TMEM181: variants seen among roughly 807,000 people sequenced by gnomAD.
The protein encoded by TMEM181 is G protein-coupled receptor 178.
Under a neutral mutation model 71.9 loss-of-function variants are expected in TMEM181, and 39 were observed. The ratio of observed to expected loss-of-function variants is 0.54; its 90% confidence interval spans 0.42 to 0.71. TMEM181 has a LOEUF of 0.71. Among genes scored for constraint, TMEM181 ranks in the 30% least tolerant of loss-of-function variants. The pLI is 0.00. For synonymous variants in TMEM181, 245 were observed against 228.8 expected (o/e 1.07, Z -0.64); for missense variants, 595 against 583.0 (o/e 1.02, Z -0.21).
intron 15 of TMEM181, among the ~76,000 whole-genome samples, chr6:158,630,097 T>A (rs557161489): frequency 1.3e-5 from 2 of 152,240 alleles, no homozygotes; most frequent in Non-Finnish European, 2.9e-5. Flanking sequence ...TTTTTGACTT[T>A]ACAATGATGC....
At chr6:158,584,955 C>G (rs1783680501) in intron 4 of TMEM181, among the ~76,000 whole-genome samples, 1 of 151,956 alleles carries the variant, frequency 6.6e-6, no homozygotes, top group South Asian at 2.1e-4. Flanking sequence ...AATAAGAAAT[C>G]TATTTCTATT....
rs138910738 is a variant in TMEM181, at chr6:158,566,304, A to G, written c.8+6072A>G. Reference sequence around the variant, plus strand: ...AGGTCTAGAGCAGGCCATTGTTCATACCTGCATCCTCTCGCAAGCCCGAGA... The same window carrying G: ...AGGTCTAGAGCAGGCCATTGTTCATGCCTGCATCCTCTCGCAAGCCCGAGA... On this transcript the variant is annotated intron_variant, in intron 1 of 16. Coordinates refer to ENST00000684151, the MANE Select transcript of TMEM181 (RefSeq NM_001376852.1). Among the ~76,000 whole-genome samples, 238 of 151,820 alleles carry G rather than the reference A, an allele frequency of 1.6e-3. 1 individual carries two copies. Among genetic ancestry groups the G allele is most frequent in the African/African-American group, 5.1e-3 (212 of 41,392 alleles).
At chr6:158,606,106 G>T (rs1011046171) in intron 7 of TMEM181, among the ~76,000 whole-genome samples, 1 of 152,088 alleles carries the variant, frequency 6.6e-6, no homozygotes, top group African/African-American at 2.4e-5. Context: ...ATGTGAGGGG[G>T]TGCTCTGCTG....
intron 5 of TMEM181, among the ~76,000 whole-genome samples, chr6:158,588,489 G>T (rs1025746891): frequency 1.3e-5 from 2 of 152,172 alleles, no homozygotes; most frequent in Admixed American, 1.3e-4. Flanking sequence ...TGCTCTTGTT[G>T]CCCAGGCTGG....
upstream of TMEM181, among the ~76,000 whole-genome samples, chr6:158,559,640 GTCA>G (rs1320069704): frequency 2.6e-5 from 4 of 152,150 alleles, no homozygotes; most frequent in Admixed American, 2.6e-4. Flanking sequence ...GAAGGTTCCT[GTCA>G]TCATTCGGGG....
chr6:158,612,861 C>T (rs1260748255), intron 10 of TMEM181, among the ~76,000 whole-genome samples: 5 of 152,186 alleles, frequency 3.3e-5, no homozygotes, highest in African/African-American at 4.8e-5. Context: ...AGTCCTACTG[C>T]AAATAGTCCA....
chr6:158,576,237 CT>C (rs1306691655), intron 2 of TMEM181, among the ~76,000 whole-genome samples: 2 of 152,228 alleles, frequency 1.3e-5, no homozygotes, highest in Non-Finnish European at 2.9e-5. Context: ...CCATCTTCCA[CT>C]GCAGGCCTAT....
intron 10 of TMEM181, among the ~76,000 whole-genome samples, chr6:158,618,511 A>G (rs1785754878): frequency 6.6e-6 from 1 of 152,122 alleles, no homozygotes; most frequent in Admixed American, 6.5e-5. Context: ...TAATATTGTT[A>G]TGTGTGAATT....
chr6:158,550,730 C>T (rs756117138), intron 1 of TMEM181, among the ~76,000 whole-genome samples: 3 of 151,880 alleles, frequency 2.0e-5, no homozygotes, highest in African/African-American at 7.3e-5. Context: ...TTAGTAATTT[C>T]ATGGAACAAA....
At chr6:158,564,472 C>T (rs960139232) in intron 1 of TMEM181, among the ~76,000 whole-genome samples, 5 of 152,326 alleles carry the variant, frequency 3.3e-5, no homozygotes, top group African/African-American at 7.2e-5. Flanking sequence ...CCCACCTCTG[C>T]GGCAGCCAGC....
chr6:158,564,752 T>C (rs1782390294), intron 1 of TMEM181, among the ~76,000 whole-genome samples: 1 of 152,148 alleles, frequency 6.6e-6, no homozygotes, highest in Non-Finnish European at 1.5e-5. Flanking sequence ...CCTGCTGTCA[T>C]GTGGTCAGGA....
chr6:158,538,329 A>T (rs1379365506), intron 1 of TMEM181, among the ~76,000 whole-genome samples: 1 of 151,340 alleles, frequency 6.6e-6, no homozygotes, highest in Non-Finnish European at 1.5e-5. Flanking sequence ...TGATTTTTAT[A>T]TTTTGTTTAG....
chr6:158,632,252 A>AT lies in TMEM181; in HGVS notation c.*364_*365insT. 1 of 244,032 alleles carries AT rather than the reference A, an allele frequency of 4.1e-6. No individual in the cohort carries two copies. Among genetic ancestry groups the AT allele is most frequent in the Non-Finnish European group, 8.3e-6 (1 of 120,864 alleles). The allele number at this position is 244,032 out of a possible 1,614,324, so 15.1% of individuals were successfully genotyped here. On this transcript the variant is annotated 3_prime_UTR_variant, in exon 17 of 17. Coordinates refer to ENST00000684151, the MANE Select transcript of TMEM181 (RefSeq NM_001376852.1). ...ATTCCAAGTTCACGGGCAGCCTGTG[A>AT]CTAGGTCCTCAGCGTGACAGCATCA...
chr6:158,541,688 G>C (rs1462829021), intron 1 of TMEM181, among the ~76,000 whole-genome samples: 3 of 152,110 alleles, frequency 2.0e-5, no homozygotes, highest in East Asian at 3.9e-4. Context: ...TTAAAGGTCT[G>C]GGAGCCATGT....
At chr6:158,594,447 G>A (rs1270073356) in intron 6 of TMEM181, among the ~76,000 whole-genome samples, 1 of 152,068 alleles carries the variant, frequency 6.6e-6, no homozygotes, top group Non-Finnish European at 1.5e-5. Context: ...CATATAGTAT[G>A]TAATTTTTTC....
Position 158,608,327 on chromosome 6 carries a change from T to G in TMEM181, c.674-6T>G. The G allele has an allele frequency of 6.2e-7, 1 of 1,614,194 alleles. No homozygotes were observed. The highest frequency in any genetic ancestry group is 1.6e-4 in the Middle Eastern group (1 of 6,062). ...TCCACATGGATTTCTGCCCTTTGTG[T>G]TCCAGATCCGTTCTTCCCCCTCTCC... is the stretch of plus-strand genomic sequence containing the variant. On this transcript the variant is annotated splice_polypyrimidine_tract_variant and splice_region_variant and intron_variant, in intron 8 of 16. Coordinates refer to ENST00000684151, the MANE Select transcript of TMEM181 (RefSeq NM_001376852.1).
chr6:158,546,411 C>T (rs1781528020), intron 1 of TMEM181, among the ~76,000 whole-genome samples: 1 of 152,178 alleles, frequency 6.6e-6, no homozygotes, highest in Non-Finnish European at 1.5e-5. Context: ...GTATTAGTTT[C>T]AGCCAAAAAG....
chr6:158,537,296 G>T (rs1018891188), intron 1 of TMEM181, among the ~76,000 whole-genome samples: 1 of 152,110 alleles, frequency 6.6e-6, no homozygotes, highest in African/African-American at 2.4e-5. Flanking sequence ...GCGGCGTCGG[G>T]AGGAGGGTCT....
intron 13 of TMEM181, 21 bp from the exon 14 acceptor site, chr6:158,628,387 C>CGA: frequency 6.2e-7 from 1 of 1,613,368 alleles, no homozygotes; most frequent in Non-Finnish European, 8.5e-7. Flanking sequence ...CATATTGTCT[C>CGA]TGCTCCTCTG....
Sources: gnomAD v4.1 joint callset for allele counts (sites outside exome capture counted in the v4.1 genomes callset) on GRCh38, gnomAD v4.1.1 for gene constraint, MANE v1.5 for transcripts, NCBI Gene and HGNC (gene_info 2026-07-23, HGNC 2026-07-21) for gene names.